The following SETD5 variants were observed in gnomAD, a reference collection of about 807,000 sequenced individuals.
SETD5 encodes SET domain containing 5.
In SETD5, 44 loss-of-function variants were observed where a neutral mutation model predicts 153.3. The observed-to-expected ratio is 0.29, with a 90% confidence interval of 0.23 to 0.37. The LOEUF (loss-of-function observed/expected upper bound fraction) is 0.37. Among genes scored for constraint, SETD5 ranks in the 10% least tolerant of loss-of-function variants. SETD5 has a pLI of 1.00. For synonymous variants in SETD5, 716 were observed against 645.2 expected (o/e 1.11, Z -1.66); for missense variants, 1,544 against 1,768.0 (o/e 0.87, Z 2.27).
rs887633850 is a variant in SETD5, at chr3:9,397,723, A to G, written c.-431A>G. On this transcript the variant is annotated 5_prime_UTR_variant, in exon 1 of 23. Transcript: ENST00000402198. ...GGGCGGCCGCCGCCCGCCTGCGCTC[A>G]GAGACTCACGCAGCCCCAGTCCCGC... The G allele has an allele frequency of 3.4e-5, 6 of 175,370 alleles. No homozygotes were observed. The highest frequency in any genetic ancestry group is 1.2e-4 in the African/African-American group (5 of 41,450). The allele number at this position is 175,370 out of a possible 1,614,324, so 10.9% of individuals were successfully genotyped here.
In SETD5 at chr3:9,474,641, C is replaced by A. The variant is rs931806904; in HGVS notation, c.3631+59C>A. ...AGGGACACATGAGCCGAGTCCTGTA[C>A]AGTTCATGCCTAGTGCTGAGTTGAG... On this transcript the variant is annotated intron_variant, in intron 21 of 22. Transcript: ENST00000402198. 214 of 1,588,762 alleles carry A rather than the reference C, an allele frequency of 1.3e-4. 2 individuals are homozygous for A. In the East Asian group the frequency reaches 4.8e-3, roughly 35 times the overall value.
At chr3:9,470,052 C>T (rs3774063) in intron 18 of SETD5, among the ~76,000 whole-genome samples, 11,324 of 152,140 alleles carry the variant, frequency 0.074, 557 homozygotes, top group Middle Eastern at 0.13. Context: ...CCCCGGAAGC[C>T]AGTTATCTTA....
intron 1 of SETD5, among the ~76,000 whole-genome samples, chr3:9,404,015 AG>A (rs2035258273): frequency 6.6e-6 from 1 of 152,246 alleles, no homozygotes; most frequent in African/African-American, 2.4e-5. Flanking sequence ...ATATATGACA[AG>A]GTTTTTCAAA....
chr3:9,441,345 A>C (rs904071970), intron 8 of SETD5, among the ~76,000 whole-genome samples: 7 of 151,768 alleles, frequency 4.6e-5, no homozygotes, highest in African/African-American at 1.7e-4. Context: ...TGAAGTCTTA[A>C]TCATGTATTT....
intron 1 of SETD5, among the ~76,000 whole-genome samples, chr3:9,407,873 G>T (rs1468354160): frequency 5.3e-5 from 8 of 152,068 alleles, no homozygotes; most frequent in Admixed American, 5.2e-4. Flanking sequence ...GGTGGCGCAT[G>T]CCTATAATCC....
chr3:9,442,348 T>C, intron 10 of SETD5, 103 bp downstream of exon 10: 1 of 790,628 alleles, frequency 1.3e-6, no homozygotes, highest in Non-Finnish European at 2.1e-6. Context: ...CTGTAGATAA[T>C]AGTCGTGATA....
At chr3:9,455,174 T>TC (rs1407052606) in intron 17 of SETD5, among the ~76,000 whole-genome samples, 39 of 140,028 alleles carry the variant, frequency 2.8e-4, no homozygotes, top group African/African-American at 7.7e-4. Context: ...TTTTCTTTTT[T>TC]TTTTTTTTTT....
At chr3:9,468,271 A>G (rs2044860689) in intron 18 of SETD5, among the ~76,000 whole-genome samples, 1 of 152,112 alleles carries the variant, frequency 6.6e-6, no homozygotes, top group African/African-American at 2.4e-5. Context: ...ATGTTTACTT[A>G]CAGCATGAAA....
chr3:9,454,010 G>A, intron 17 of SETD5, 142 bp downstream of exon 17: 2 of 973,092 alleles, frequency 2.1e-6, no homozygotes, highest in South Asian at 5.3e-5. Context: ...TACAGAGGAA[G>A]AGAGAGATCT....
chr3:9,426,912 C>A (rs1016767146), intron 2 of SETD5, among the ~76,000 whole-genome samples: 4 of 152,134 alleles, frequency 2.6e-5, no homozygotes, highest in African/African-American at 9.7e-5. Context: ...ACCCAGAGGT[C>A]TCACTTCATC....
At chr3:9,431,203 A>C in intron 3 of SETD5, 5 of 985,418 alleles carry the variant, frequency 5.1e-6, no homozygotes, top group Non-Finnish European at 6.0e-6. Context: ...TGTAACAAGC[A>C]AAACAAAGAT....
chr3:9,432,378 C>T (rs2040065233), intron 3 of SETD5: 13 of 608,102 alleles, frequency 2.1e-5, no homozygotes, highest in Non-Finnish European at 2.7e-5. Context: ...TCTCAATTGA[C>T]ATTGCACCAC....
chr3:9,433,158 C>G (rs78835335), intron 3 of SETD5, among the ~76,000 whole-genome samples: 1,667 of 152,290 alleles, frequency 0.011, 12 homozygotes, highest in Non-Finnish European at 0.018. Context: ...TATTATTTGT[C>G]AGTAGACTAA....
At chr3:9,465,321 G>C (rs949687316) in intron 18 of SETD5, among the ~76,000 whole-genome samples, 1 of 152,178 alleles carries the variant, frequency 6.6e-6, no homozygotes, top group Non-Finnish European at 1.5e-5. Flanking sequence ...GTCTGCCTCA[G>C]CTGTTTCAAA....
intron 18 of SETD5, among the ~76,000 whole-genome samples, chr3:9,467,890 TA>T (rs1343720093): frequency 1.3e-5 from 2 of 151,902 alleles, no homozygotes; most frequent in Non-Finnish European, 2.9e-5. Context: ...ATAACATTAA[TA>T]GGGGTGGCTC....
At chr3:9,473,633 C>T in intron 20 of SETD5, 96 bp downstream of exon 20, 2 of 1,265,164 alleles carry the variant, frequency 1.6e-6, no homozygotes, top group East Asian at 2.5e-5. Flanking sequence ...TATGGGAACA[C>T]TTGATGGGAA....
intron 7 of SETD5, chr3:9,436,881 G>C (rs1354424278): frequency 2.6e-6 from 4 of 1,550,108 alleles, no homozygotes; most frequent in Non-Finnish European, 3.5e-6. Context: ...AAGTCCTTGC[G>C]GATGAAGGTA....
At chr3:9,400,760 T>C (rs1044600843) in intron 1 of SETD5, among the ~76,000 whole-genome samples, 1 of 152,196 alleles carries the variant, frequency 6.6e-6, no homozygotes, top group Non-Finnish European at 1.5e-5. Context: ...AGAAGAAATA[T>C]GCAGAAATCG....
rs760992603 is a variant in SETD5 at position 9,447,723 on chromosome 3, C to T, written c.1820C>T (p.Pro607Leu). The T allele has an allele frequency of 6.2e-7, 1 of 1,613,950 alleles. No individual in the cohort carries two copies. The highest frequency in any genetic ancestry group is 2.2e-5 in the East Asian group (1 of 44,882). ...AAEKLVPKPPPAKPSRPRPKS... is the reference protein window; with the variant it reads ...AAEKLVPKPPLAKPSRPRPKS... ...GAAAAACTAGTCCCCAAGCCACCTCCAGCAAAGCCTTCTAGGCCCCGGCCG... is the reference window on the plus strand; with the variant it reads ...GAAAAACTAGTCCCCAAGCCACCTCTAGCAAAGCCTTCTAGGCCCCGGCCG... Residue 607 changes from proline to leucine, a missense_variant, in exon 15 of 23, where the codon CCA becomes CTA. This residue lies in a region of SETD5 where 782 missense variants were observed against 787.2 expected (regional missense o/e 0.99). Transcript: ENST00000402198.
Sources: allele counts gnomAD v4.1 joint callset (sites outside exome capture counted in the v4.1 genomes callset), GRCh38; gene constraint gnomAD v4.1.1; regional missense constraint gnomAD v4.1.1; transcripts MANE v1.5; gene names NCBI Gene and HGNC (gene_info 2026-07-23, HGNC 2026-07-21).